NOL4L: variants seen among roughly 807,000 people sequenced by gnomAD.
The protein encoded by NOL4L is nucleolar protein 4-like.
Under a neutral mutation model 64.5 loss-of-function variants are expected in NOL4L, and 7 were observed. The observed-to-expected ratio is 0.11, with a 90% CI of 0.06 to 0.20. The LOEUF is 0.20. Among genes scored for constraint, NOL4L ranks in the 10% least tolerant of loss-of-function variants. The pLI, the probability that NOL4L is intolerant of heterozygous loss-of-function variation, is 1.00. For synonymous variants in NOL4L, 413 were observed against 401.0 expected, an observed-to-expected ratio of 1.03 and a Z score of -0.36; for missense variants, 680 against 967.1, an observed-to-expected ratio of 0.70 and a Z score of 3.94.
intron 10 of NOL4L, among the ~76,000 whole-genome samples, chr20:32,449,425 T>A (rs1291881522): frequency 6.6e-6 from 1 of 152,206 alleles, no homozygotes; most frequent in Non-Finnish European, 1.5e-5. Context: ...GGATAAACTA[T>A]GGAAACCTGA....
intron 6 of NOL4L, among the ~76,000 whole-genome samples, chr20:32,454,510 C>T (rs1394852995): frequency 2.0e-5 from 3 of 152,232 alleles, no homozygotes; most frequent in African/African-American, 7.2e-5. Flanking sequence ...CCTGGCCAAG[C>T]CCCTCAACCA....
chr20:32,581,774 G>A (rs997157159), intron 1 of NOL4L, among the ~76,000 whole-genome samples: 8 of 152,186 alleles, frequency 5.3e-5, no homozygotes, highest in Admixed American at 3.9e-4. Flanking sequence ...CACAAGGACT[G>A]TGGGTACTAA....
intron 3 of NOL4L, among the ~76,000 whole-genome samples, chr20:32,513,840 TCAA>T (rs372285097): frequency 8.3e-4 from 126 of 152,210 alleles, no homozygotes; most frequent in African/African-American, 2.7e-3. Flanking sequence ...AGACTGTGTC[TCAA>T]CAACAACAAC....
chr20:32,555,839 G>T (rs540527484), intron 1 of NOL4L, among the ~76,000 whole-genome samples: 3 of 152,100 alleles, frequency 2.0e-5, no homozygotes, highest in Non-Finnish European at 4.4e-5. Context: ...GAATGTCAGT[G>T]GTTTAAGCCA....
At chr20:32,583,611 A>G (rs1980650927) in intron 1 of NOL4L, among the ~76,000 whole-genome samples, 2 of 149,682 alleles carry the variant, frequency 1.3e-5, no homozygotes, top group South Asian at 4.2e-4. Context: ...TCGGCGACGG[A>G]AAGTTCAAAG....
At chr20:32,459,024 G>T (rs1186079627) in intron 5 of NOL4L, among the ~76,000 whole-genome samples, 2 of 152,242 alleles carry the variant, frequency 1.3e-5, no homozygotes, top group Non-Finnish European at 2.9e-5. Context: ...CGGCTGCCTG[G>T]CTGGGGATCG....
At chr20:32,550,608 G>A (rs1292534167) in intron 1 of NOL4L, among the ~76,000 whole-genome samples, 5 of 152,184 alleles carry the variant, frequency 3.3e-5, no homozygotes, top group Non-Finnish European at 5.9e-5. Flanking sequence ...GTGGCCGGGC[G>A]CAGTGGCTCA....
intron 4 of NOL4L, among the ~76,000 whole-genome samples, chr20:32,481,544 C>T (rs1006477429): frequency 2.0e-5 from 3 of 151,660 alleles, no homozygotes; most frequent in Non-Finnish European, 4.4e-5. Context: ...GGAGGAAGGC[C>T]GTCTTCTCAG....
At chr20:32,584,214 G>T (rs1369723355) in intron 1 of NOL4L, among the ~76,000 whole-genome samples, 1 of 150,048 alleles carries the variant, frequency 6.7e-6, no homozygotes, top group South Asian at 2.1e-4. Context: ...GCCCGGGACA[G>T]GCAGCCCCGG....
At chr20:32,552,474 G>A (rs2145605996) in intron 1 of NOL4L, among the ~76,000 whole-genome samples, 1 of 152,264 alleles carries the variant, frequency 6.6e-6, no homozygotes, top group African/African-American at 2.4e-5. Flanking sequence ...ATGACCTGAG[G>A]TCAGGGGTTC....
chr20:32,520,582 C>T (rs1296854695), intron 3 of NOL4L, among the ~76,000 whole-genome samples: 1 of 152,138 alleles, frequency 6.6e-6, no homozygotes. Context: ...ACATGTTGTT[C>T]ACTTTTTTGT....
At chr20:32,454,931 C>T (rs555412376) in intron 6 of NOL4L, among the ~76,000 whole-genome samples, 1 of 152,340 alleles carries the variant, frequency 6.6e-6, no homozygotes, top group South Asian at 2.1e-4. Flanking sequence ...AGGCCTCTCT[C>T]CCTGGGACCA....
At chr20:32,575,358 C>T (rs1160723934) in intron 1 of NOL4L, among the ~76,000 whole-genome samples, 1 of 152,110 alleles carries the variant, frequency 6.6e-6, no homozygotes, top group East Asian at 1.9e-4. Context: ...CCCTGGGATC[C>T]GTCGTACAAC....
At chr20:32,475,597 A>G (rs2145485016) in intron 4 of NOL4L, among the ~76,000 whole-genome samples, 1 of 152,326 alleles carries the variant, frequency 6.6e-6, no homozygotes, top group South Asian at 2.1e-4. Context: ...CACCTCCTCC[A>G]GGCCCAGCCT....
intron 1 of NOL4L, among the ~76,000 whole-genome samples, chr20:32,562,741 C>A (rs1421031309): frequency 6.6e-6 from 1 of 151,766 alleles, no homozygotes; most frequent in Non-Finnish European, 1.5e-5. Context: ...CCGGCTGGCA[C>A]TCCTTTTCTC....
chr20:32,448,974 G>A (rs2012594687), intron 10 of NOL4L, among the ~76,000 whole-genome samples: 1 of 152,250 alleles, frequency 6.6e-6, no homozygotes, highest in Non-Finnish European at 1.5e-5. Flanking sequence ...AGCACAGGCT[G>A]AGGCTCCTTC....
chr20:32,574,089 G>A (rs1004361031), intron 1 of NOL4L, among the ~76,000 whole-genome samples: 1 of 152,166 alleles, frequency 6.6e-6, no homozygotes, highest in Non-Finnish European at 1.5e-5. Flanking sequence ...TACAGAAGGG[G>A]TCAGGGATCA....
chr20:32,514,018 G>A (rs947891412), intron 3 of NOL4L, among the ~76,000 whole-genome samples: 9 of 152,214 alleles, frequency 5.9e-5, no homozygotes, highest in Non-Finnish European at 8.8e-5. Context: ...CAGAAAAGGT[G>A]GGGACCCGGA....
At chr20:32,516,467 A>T (rs2145565948) in intron 3 of NOL4L, among the ~76,000 whole-genome samples, 1 of 152,248 alleles carries the variant, frequency 6.6e-6, no homozygotes, top group East Asian at 1.9e-4. Flanking sequence ...CATTAGGGTC[A>T]CTGGAGGAAG....
Sources: allele counts gnomAD v4.1 joint callset (sites outside exome capture counted in the v4.1 genomes callset), GRCh38; gene constraint gnomAD v4.1.1; transcripts MANE v1.5; gene names NCBI Gene and HGNC (gene_info 2026-07-23, HGNC 2026-07-21).